Variants in NXPH1 observed in about 807,000 individuals in gnomAD.
The protein encoded by NXPH1 is neurexophilin-1.
Under a neutral mutation model 23.7 loss-of-function variants are expected in NXPH1, and 5 were observed. The ratio of observed to expected loss-of-function variants is 0.21; its 90% CI spans 0.11 to 0.44. NXPH1 has a LOEUF of 0.44. Ranked by LOEUF, NXPH1 falls within the 20% of genes least tolerant of loss-of-function variation. NXPH1 has a pLI of 0.99. For synonymous variants in NXPH1, 144 were observed against 122.2 expected (o/e 1.18, Z -1.18); for missense variants, 324 against 321.6 (o/e 1.01, Z -0.06).
chr7:8,729,209 G>A (rs1451217892), intron 2 of NXPH1, among the ~76,000 whole-genome samples: 12 of 150,176 alleles, frequency 8.0e-5, no homozygotes, highest in South Asian at 4.2e-4. Context: ...TTTTTATTGC[G>A]TCTATTTGAT....
At chr7:8,554,664 T>C (rs1321654778) in intron 2 of NXPH1, among the ~76,000 whole-genome samples, 1 of 151,792 alleles carries the variant, frequency 6.6e-6, no homozygotes, top group South Asian at 2.1e-4. Context: ...TCTTAAAACC[T>C]GTGTTAAAAA....
chr7:8,445,739 C>G (rs1816393895), intron 2 of NXPH1, among the ~76,000 whole-genome samples: 1 of 152,170 alleles, frequency 6.6e-6, no homozygotes, highest in African/African-American at 2.4e-5. Context: ...TTAGAGGATT[C>G]CATGGAAAAT....
At chr7:8,469,847 A>G (rs897211739) in intron 2 of NXPH1, among the ~76,000 whole-genome samples, 1 of 152,122 alleles carries the variant, frequency 6.6e-6, no homozygotes, top group Non-Finnish European at 1.5e-5. Context: ...GTGAAATGTC[A>G]TTATCCTTAC....
chr7:8,713,506 A>ATTTT (rs572508806), intron 2 of NXPH1, among the ~76,000 whole-genome samples: 1 of 144,590 alleles, frequency 6.9e-6, no homozygotes. Flanking sequence ...ATGCTTGCAG[A>ATTTT]TTTTTTTTTT....
rs140977700 is a variant in NXPH1, at chr7:8,668,852, C to G, written c.55-82156C>G. 9.5e-4 allele frequency among the ~76,000 whole-genome samples: 144 copies of G among 151,992 alleles called. 2 individuals carry two copies. In the East Asian group the frequency reaches 0.023, roughly 24 times the overall value. On this transcript the variant is annotated intron_variant, in intron 2 of 2. Coordinates refer to ENST00000405863, the MANE Select transcript of NXPH1 (RefSeq NM_152745.3). The stretch of plus-strand genomic sequence containing the variant: ...GGGGTTCATGAGGGCTACCCTAGCA[C>G]TGCCCTGGCACTCAGGGGTCTACTG...
intron 2 of NXPH1, among the ~76,000 whole-genome samples, chr7:8,633,705 G>A (rs1176566267): frequency 3.3e-5 from 5 of 152,078 alleles, no homozygotes; most frequent in South Asian, 2.1e-4. Context: ...AAAAGAATTC[G>A]TAATTTTTAT....
intron 2 of NXPH1, among the ~76,000 whole-genome samples, chr7:8,666,741 A>T (rs1820773930): frequency 6.6e-6 from 1 of 151,976 alleles, no homozygotes; most frequent in African/African-American, 2.4e-5. Flanking sequence ...CTATTTATTC[A>T]TGATTCAGTT....
At chr7:8,601,685 T>C (rs1039690012) in intron 2 of NXPH1, among the ~76,000 whole-genome samples, 8 of 152,200 alleles carry the variant, frequency 5.3e-5, no homozygotes, top group African/African-American at 1.7e-4. Flanking sequence ...CAGGACCCAA[T>C]TCCCTAAAAT....
chr7:8,640,905 C>T (rs1820297920), intron 2 of NXPH1, among the ~76,000 whole-genome samples: 1 of 152,056 alleles, frequency 6.6e-6, no homozygotes, highest in African/African-American at 2.4e-5. Context: ...AGTGAGCTGT[C>T]ATCACACCAC....
intron 2 of NXPH1, among the ~76,000 whole-genome samples, chr7:8,438,184 G>A (rs1278178488): frequency 6.6e-6 from 1 of 152,320 alleles, no homozygotes; most frequent in East Asian, 1.9e-4. Context: ...GAAGTAGAGA[G>A]CCTTGATTAA....
intron 2 of NXPH1, among the ~76,000 whole-genome samples, chr7:8,612,724 C>T (rs976411788): frequency 6.6e-6 from 1 of 152,042 alleles, no homozygotes; most frequent in Non-Finnish European, 1.5e-5. Flanking sequence ...CTGTCTCATT[C>T]ATTCATTATA....
intron 2 of NXPH1, among the ~76,000 whole-genome samples, chr7:8,600,943 A>C (rs970470557): frequency 6.6e-6 from 1 of 150,538 alleles, no homozygotes; most frequent in Non-Finnish European, 1.5e-5. Context: ...TTGTTTTACT[A>C]TTGTCTACAT....
chr7:8,488,406 G>C (rs1340635036), intron 2 of NXPH1, among the ~76,000 whole-genome samples: 1 of 152,014 alleles, frequency 6.6e-6, no homozygotes, highest in African/African-American at 2.4e-5. Context: ...TATAACATTT[G>C]ACCATTTAAT....
chr7:8,503,120 A>T (rs192404443), intron 2 of NXPH1, among the ~76,000 whole-genome samples: 2 of 152,062 alleles, frequency 1.3e-5, no homozygotes, highest in African/African-American at 4.8e-5. Flanking sequence ...AAGGGCCCCG[A>T]TCTATTTGTG....
chr7:8,508,844 A>G (rs1388902005), intron 2 of NXPH1, among the ~76,000 whole-genome samples: 3 of 152,062 alleles, frequency 2.0e-5, no homozygotes, highest in African/African-American at 7.2e-5. Context: ...GGTCTTGTAA[A>G]AGGAAAGATA....
intron 2 of NXPH1, among the ~76,000 whole-genome samples, chr7:8,592,170 C>T (rs556422372): frequency 3.3e-5 from 5 of 151,928 alleles, no homozygotes; most frequent in African/African-American, 1.2e-4. Context: ...TAAGGGAAGA[C>T]CTGACAGGTG....
intron 2 of NXPH1, among the ~76,000 whole-genome samples, chr7:8,739,600 T>C (rs1780326675): frequency 6.6e-6 from 1 of 152,180 alleles, no homozygotes; most frequent in Non-Finnish European, 1.5e-5. Context: ...TTGGTCATCT[T>C]GCCAGTCACC....
chr7:8,483,333 A>C (rs77146089), intron 2 of NXPH1, among the ~76,000 whole-genome samples: 2 of 151,916 alleles, frequency 1.3e-5, no homozygotes, highest in African/African-American at 4.8e-5. Context: ...ATTTTATTTT[A>C]TTTTCTTTTT....
chr7:8,474,677 A>G (rs559785087), intron 2 of NXPH1, among the ~76,000 whole-genome samples: 5 of 152,280 alleles, frequency 3.3e-5, no homozygotes, highest in Non-Finnish European at 5.9e-5. Flanking sequence ...TAATAGTCGC[A>G]TACTAACTCT....
Sources: gnomAD v4.1 joint callset for allele counts (sites outside exome capture counted in the v4.1 genomes callset) on GRCh38, gnomAD v4.1.1 for gene constraint, MANE v1.5 for transcripts, NCBI Gene and HGNC (gene_info 2026-07-23, HGNC 2026-07-21) for gene names.